Variants in TECRL observed in about 807,000 individuals in gnomAD.
TECRL encodes trans-2,3-enoyl-CoA reductase-like.
A neutral mutation model predicts 52.8 loss-of-function variants in TECRL; 63 were observed. That is an observed-to-expected ratio of 1.19 (90% CI 0.97 to 1.47). TECRL has a LOEUF of 1.47. TECRL is among the 40% of genes most tolerant of loss of function. The pLI is 0.00. For missense variants in TECRL, 482 were observed against 429.6 expected (o/e 1.12, Z -1.08); for synonymous variants, 164 against 141.9 (o/e 1.16, Z -1.10).
chr4:64,372,780 C>T (rs1722068132), intron 2 of TECRL, among the ~76,000 whole-genome samples: 1 of 151,266 alleles, frequency 6.6e-6, no homozygotes, highest in South Asian at 2.1e-4. Context: ...GATTAAATTC[C>T]CATTCCAGGG....
chr4:64,349,135 GTTT>G (rs773341193), intron 2 of TECRL, among the ~76,000 whole-genome samples: 24 of 30,818 alleles, frequency 7.8e-4, no homozygotes, highest in Admixed American at 6.3e-3. Flanking sequence ...TATAAAAAAC[GTTT>G]TTTTTTTTTT....
chr4:64,327,084 G>A (rs551333376), intron 3 of TECRL, among the ~76,000 whole-genome samples: 4 of 152,050 alleles, frequency 2.6e-5, no homozygotes, highest in South Asian at 4.1e-4. Context: ...CCATATAAAA[G>A]AAGACCATGT....
intron 8 of TECRL, among the ~76,000 whole-genome samples, chr4:64,298,579 A>T (rs1723822268): frequency 6.6e-6 from 1 of 151,234 alleles, no homozygotes; most frequent in Non-Finnish European, 1.5e-5. Context: ...ATTATCATAC[A>T]CATTTGAAAA....
intron 7 of TECRL, among the ~76,000 whole-genome samples, chr4:64,302,346 C>A (rs1000081538): frequency 2.6e-5 from 4 of 151,262 alleles, no homozygotes; most frequent in Non-Finnish European, 5.9e-5. Context: ...ACTGTTACCA[C>A]AGAGAATTCT....
At chr4:64,333,171 T>A (rs111898565) in intron 2 of TECRL, among the ~76,000 whole-genome samples, 1,743 of 151,972 alleles carry the variant, frequency 0.011, 46 homozygotes, top group African/African-American at 0.04. Flanking sequence ...AAAATATTTT[T>A]AAAAAACAGA....
intron 1 of TECRL, among the ~76,000 whole-genome samples, chr4:64,397,493 G>C (rs1187288795): frequency 1.3e-4 from 20 of 151,388 alleles, no homozygotes; most frequent in Admixed American, 1.2e-3. Context: ...GAGGTTATTA[G>C]GGATTAGCAC....
At chr4:64,403,475 G>GTGCACACACACACA (rs1553923025) in intron 1 of TECRL, among the ~76,000 whole-genome samples, 7 of 148,344 alleles carry the variant, frequency 4.7e-5, no homozygotes, top group African/African-American at 1.5e-4. Context: ...CTCCCTGAGC[G>GTGCACACACACACA]CACACACACA....
At chr4:64,364,770 C>G (rs899258704) in intron 2 of TECRL, among the ~76,000 whole-genome samples, 2 of 151,900 alleles carry the variant, frequency 1.3e-5, no homozygotes, top group Non-Finnish European at 2.9e-5. Flanking sequence ...AATACAAAAC[C>G]TACCAACCAG....
chr4:64,277,114 T>A, downstream of TECRL: 1 of 1,228,618 alleles, frequency 8.1e-7, no homozygotes, highest in South Asian at 1.4e-5. Context: ...ATCCTTTAAC[T>A]AAGGTATGTC....
chr4:64,358,989 A>G (rs1720981580), intron 2 of TECRL, among the ~76,000 whole-genome samples: 1 of 151,940 alleles, frequency 6.6e-6, no homozygotes, highest in African/African-American at 2.4e-5. Flanking sequence ...TTCTTGCAAT[A>G]ATGAAGTATT....
chr4:64,280,513 TA>T (rs1373869995), intron 11 of TECRL, among the ~76,000 whole-genome samples: 1 of 152,166 alleles, frequency 6.6e-6, no homozygotes, highest in African/African-American at 2.4e-5. Flanking sequence ...ATGCATATAA[TA>T]TTCCTCTACA....
intron 2 of TECRL, among the ~76,000 whole-genome samples, chr4:64,366,642 GA>G (rs2109639110): frequency 6.6e-6 from 1 of 152,104 alleles, no homozygotes; most frequent in African/African-American, 2.4e-5. Flanking sequence ...ACATGCATAT[GA>G]AAAAAGCTCA....
intron 8 of TECRL, among the ~76,000 whole-genome samples, chr4:64,294,602 CA>C (rs1048983803): frequency 2.0e-5 from 3 of 149,642 alleles, no homozygotes; most frequent in Non-Finnish European, 3.0e-5. Context: ...CTTTCACGGA[CA>C]AAAAAAAAGT....
intron 2 of TECRL, among the ~76,000 whole-genome samples, chr4:64,368,497 T>C (rs1255007986): frequency 2.6e-5 from 4 of 152,100 alleles, no homozygotes; most frequent in Admixed American, 2.6e-4. Context: ...GGTTTCGCCC[T>C]GTTGACCAGG....
At chr4:64,320,058 T>C (rs1265591765) in intron 4 of TECRL, among the ~76,000 whole-genome samples, 2 of 151,930 alleles carry the variant, frequency 1.3e-5, no homozygotes, top group Non-Finnish European at 3.0e-5. Flanking sequence ...ATAAATTGTA[T>C]AGAATTACAC....
At chr4:64,295,496 T>A (rs532433261) in intron 8 of TECRL, among the ~76,000 whole-genome samples, 1 of 151,592 alleles carries the variant, frequency 6.6e-6, no homozygotes, top group East Asian at 1.9e-4. Context: ...ATATCAGAAT[T>A]ATTTTTTAAT....
At chr4:64,359,701 T>C (rs1382651915) in intron 2 of TECRL, among the ~76,000 whole-genome samples, 2 of 152,106 alleles carry the variant, frequency 1.3e-5, no homozygotes, top group Admixed American at 6.6e-5. Flanking sequence ...TTTTATTACA[T>C]GAACCTTGAC....
chr4:64,334,314 C>T (rs1718891911), intron 2 of TECRL, among the ~76,000 whole-genome samples: 2 of 152,050 alleles, frequency 1.3e-5, no homozygotes, highest in Non-Finnish European at 2.9e-5. Flanking sequence ...TAGTACAATA[C>T]TTCACTGGGA....
At chr4:64,369,109 T>G (rs975342299) in intron 2 of TECRL, among the ~76,000 whole-genome samples, 4 of 152,178 alleles carry the variant, frequency 2.6e-5, no homozygotes, top group Non-Finnish European at 5.9e-5. Context: ...TTTCAACTAA[T>G]AGATAACACG....
Sources: gnomAD v4.1 joint callset for allele counts (sites outside exome capture counted in the v4.1 genomes callset) on GRCh38, gnomAD v4.1.1 for gene constraint, MANE v1.5 for transcripts, NCBI Gene and HGNC (gene_info 2026-07-23, HGNC 2026-07-21) for gene names.